AGMO: variants seen among roughly 807,000 people sequenced by gnomAD.
The protein encoded by AGMO is alkylglycerol monooxygenase, also known as glyceryl-ether monooxygenase.
AGMO carries 75 observed loss-of-function variants against 60.2 expected under a neutral mutation model. The ratio of observed to expected loss-of-function variants is 1.25; its 90% CI spans 1.03 to 1.51. AGMO has a LOEUF of 1.51. AGMO is among the 40% of genes most tolerant of loss of function. AGMO has a pLI of 0.00. For synonymous variants in AGMO, 261 were observed against 177.1 expected (o/e 1.47, Z -3.76); for missense variants, 763 against 525.5 (o/e 1.45, Z -4.42).
chr7:15,548,177 A>G (rs1166156880), intron 2 of AGMO, among the ~76,000 whole-genome samples: 3 of 152,194 alleles, frequency 2.0e-5, no homozygotes, highest in Admixed American at 6.5e-5. Flanking sequence ...CATCACCGTC[A>G]TCAAAGACCA....
intron 12 of AGMO, among the ~76,000 whole-genome samples, chr7:15,247,399 T>C (rs1782770795): frequency 6.6e-6 from 1 of 150,846 alleles, no homozygotes; most frequent in Non-Finnish European, 1.5e-5. Context: ...TTTGTTAATA[T>C]ATGACTTGGA....
intron 12 of AGMO, among the ~76,000 whole-genome samples, chr7:15,316,668 A>G (rs1337207456): frequency 6.6e-6 from 1 of 152,194 alleles, no homozygotes; most frequent in Non-Finnish European, 1.5e-5. Context: ...ATAATAATAG[A>G]TACTTTACTG....
At chr7:15,224,195 A>C (rs1782006697) in intron 12 of AGMO, among the ~76,000 whole-genome samples, 1 of 151,856 alleles carries the variant, frequency 6.6e-6, no homozygotes, top group Admixed American at 6.6e-5. Context: ...AAAAAATACG[A>C]TTCACAGAAC....
chr7:15,146,471 C>T, the AGMO span, among the ~76,000 whole-genome samples: 1 of 150,080 alleles, frequency 6.7e-6, no homozygotes, highest in African/African-American at 2.4e-5. Flanking sequence ...CCTAGCTCTA[C>T]AGAATACGAA....
downstream of AGMO, among the ~76,000 whole-genome samples, chr7:15,196,120 G>A (rs147216171): frequency 0.011 from 1,672 of 151,352 alleles, 42 homozygotes; most frequent in African/African-American, 0.039. Context: ...TCGGCTCACT[G>A]CAACCTCTGC....
At chr7:15,342,858 C>A (rs1398973941) in intron 12 of AGMO, among the ~76,000 whole-genome samples, 1 of 141,940 alleles carries the variant, frequency 7.0e-6, no homozygotes, top group East Asian at 2.3e-4. Flanking sequence ...TGGATAAGTT[C>A]ATTAATTCTC....
At chr7:15,345,665 T>C (rs749900825) in intron 12 of AGMO, among the ~76,000 whole-genome samples, 1 of 152,198 alleles carries the variant, frequency 6.6e-6, no homozygotes, top group Non-Finnish European at 1.5e-5. Context: ...AGTTTTTAAA[T>C]ATTTACCATG....
chr7:15,447,839 A>G (rs1223253151), intron 3 of AGMO, among the ~76,000 whole-genome samples: 1 of 152,126 alleles, frequency 6.6e-6, no homozygotes, highest in African/African-American at 2.4e-5. Context: ...GGCGTGAGCC[A>G]CCGGGCCCAG....
intron 3 of AGMO, among the ~76,000 whole-genome samples, chr7:15,479,001 C>T (rs1216088690): frequency 6.6e-6 from 1 of 152,016 alleles, no homozygotes; most frequent in African/African-American, 2.4e-5. Context: ...GATAAACGAG[C>T]TAATAAACAT....
At chr7:15,198,624 C>T (rs567152226), downstream of AGMO, among the ~76,000 whole-genome samples, 2 of 152,178 alleles carry the variant, frequency 1.3e-5, no homozygotes, top group Admixed American at 6.5e-5. Flanking sequence ...CCTGAAAATT[C>T]GGAGACTGGG....
chr7:15,262,953 T>C (rs1253634299), intron 12 of AGMO, among the ~76,000 whole-genome samples: 1 of 152,056 alleles, frequency 6.6e-6, no homozygotes, highest in Admixed American at 6.6e-5. Flanking sequence ...GACTTAAATA[T>C]AAGACCTGAA....
intron 12 of AGMO, among the ~76,000 whole-genome samples, chr7:15,227,153 G>A (rs570730258): frequency 6.6e-6 from 1 of 152,030 alleles, no homozygotes; most frequent in East Asian, 1.9e-4. Flanking sequence ...TTGAACTCCT[G>A]CATACCAAAC....
At chr7:15,160,229 ACTACT>A in the AGMO span, among the ~76,000 whole-genome samples, 3 of 152,168 alleles carry the variant, frequency 2.0e-5, no homozygotes, top group African/African-American at 7.2e-5. Context: ...ACCTTCCGTC[ACTACT>A]ATTTCCTTCT....
At chr7:15,319,486 A>T (rs898380268) in intron 12 of AGMO, among the ~76,000 whole-genome samples, 13 of 152,158 alleles carry the variant, frequency 8.5e-5, no homozygotes, top group Non-Finnish European at 1.6e-4. Flanking sequence ...AAAGCTTTGC[A>T]TGCTCTGAAG....
chr7:15,560,614 T>C (rs896133686), intron 1 of AGMO, among the ~76,000 whole-genome samples: 1 of 152,214 alleles, frequency 6.6e-6, no homozygotes, highest in Non-Finnish European at 1.5e-5. Flanking sequence ...AGGTCTATTG[T>C]CTCTACATGT....
At chr7:15,477,478 G>A (rs919494563) in intron 3 of AGMO, among the ~76,000 whole-genome samples, 8 of 152,232 alleles carry the variant, frequency 5.3e-5, no homozygotes, top group African/African-American at 1.7e-4. Flanking sequence ...TGAGACACTG[G>A]TGCAAGGAAA....
chr7:15,474,670 T>C lies in AGMO; in HGVS notation c.410-43562A>G, dbSNP rs148845420. On this transcript the variant is annotated intron_variant, in intron 3 of 12. Coordinates refer to ENST00000342526, the MANE Select transcript of AGMO (RefSeq NM_001004320.2). ...TTCATGACTAATACACCAAAAGCAA[T>C]GGCAACAAAAGCCAAAATTGACAAG... is the stretch of plus-strand genomic sequence containing the variant. Among the ~76,000 whole-genome samples the C allele has an allele frequency of 9.0e-3, 1,364 of 152,110 alleles. 5 individuals carry two copies. Among genetic ancestry groups the C allele is most frequent in the Non-Finnish European group, 0.016 (1,080 of 67,974 alleles).
intron 12 of AGMO, among the ~76,000 whole-genome samples, chr7:15,341,229 T>A (rs1471795182): frequency 6.6e-6 from 1 of 152,178 alleles, no homozygotes; most frequent in African/African-American, 2.4e-5. Context: ...TTCTACTGCA[T>A]CATTAGGCTG....
In AGMO at chr7:15,355,525, G is replaced by A. The variant is rs866153627; in HGVS notation, c.1263+9989C>T. 3.2e-3 allele frequency among the ~76,000 whole-genome samples: 304 copies of A among 95,274 alleles called. 8 individuals are homozygous for A. In the South Asian group the frequency reaches 0.067, roughly 21 times the overall value. The allele number at this position is 95,274 out of a possible 152,430, so 62.5% of individuals were successfully genotyped here. A position where few individuals can be genotyped will look rare whatever the true frequency, so the allele number is the denominator to read the frequency against. On this transcript the variant is annotated intron_variant, in intron 12 of 12. Coordinates refer to ENST00000342526, the MANE Select transcript of AGMO (RefSeq NM_001004320.2). ...GTCTCAAAAAAAAAAAAAAAAAAAA[G>A]AAGGTAAGATCATGGAATTAATTCA...
Sources: allele counts gnomAD v4.1 joint callset (sites outside exome capture counted in the v4.1 genomes callset), GRCh38; gene constraint gnomAD v4.1.1; transcripts MANE v1.5; gene names NCBI Gene and HGNC (gene_info 2026-07-23, HGNC 2026-07-21).